Variants in FBXO41 observed in about 807,000 individuals in gnomAD.
The protein encoded by FBXO41 is F-box protein 41.
In FBXO41, 33 loss-of-function variants were observed where a neutral mutation model predicts 81.6. The observed-to-expected ratio is 0.40, with a 90% CI of 0.31 to 0.54. The LOEUF is 0.54. FBXO41 is among the 20% of genes least tolerant of loss of function. FBXO41 has a pLI of 0.39. For missense variants in FBXO41, 1,107 were observed against 1,236.0 expected (o/e 0.90, Z 1.56); for synonymous variants, 576 against 552.7 (o/e 1.04, Z -0.59).
chr2:73,278,591 T>TA (rs1277176461), intron 1 of FBXO41, among the ~76,000 whole-genome samples: 6 of 152,170 alleles, frequency 3.9e-5, no homozygotes, highest in Non-Finnish European at 8.8e-5. Context: ...ACTGAGGTGT[T>TA]AGAGTATACA....
chr2:73,262,391 A>G (rs756788356), intron 9 of FBXO41, among the ~76,000 whole-genome samples: 22 of 152,172 alleles, frequency 1.4e-4, no homozygotes, highest in Admixed American at 8.5e-4. Context: ...GAGAGGCAAA[A>G]TGTAGGGAGC....
chr2:73,257,698 G>A lies in FBXO41; in HGVS notation c.*1284C>T, dbSNP rs1687865658. The A allele has an allele frequency of 6.6e-6, 1 of 152,244 alleles. No individual in the cohort carries two copies. The highest frequency in any genetic ancestry group is 1.9e-4 in the East Asian group (1 of 5,190). 9.4% of individuals were successfully genotyped at this position (152,244 alleles called of 1,614,324 possible). The stretch of plus-strand genomic sequence containing the variant: ...GGAACTGGGGAGACCTCAGCCTTTG[G>A]AGCCTTGGTTCTGAGACCTGATCCT... On this transcript the variant is annotated 3_prime_UTR_variant, in exon 13 of 13. Coordinates refer to ENST00000520530, the MANE Select transcript of FBXO41 (RefSeq NM_001371389.2). This position sits in a 1 kb window ranked among gnomAD's most constrained non-coding sequence, Gnocchi z 4.6.
intron 1 of FBXO41, among the ~76,000 whole-genome samples, chr2:73,283,935 G>C (rs956824439): frequency 1.3e-5 from 2 of 152,250 alleles, no homozygotes; most frequent in East Asian, 1.9e-4. Flanking sequence ...CAGGCGAGAG[G>C]GGGGAGGGGA....
rs918352265 is a variant in FBXO41, at chr2:73,256,036, T to C, written c.*2946A>G. 2.0e-5 allele frequency: 3 copies of C among 152,130 alleles called. No homozygotes were observed. The highest frequency in any genetic ancestry group is 4.4e-5 in the Non-Finnish European group (3 of 68,054). 9.4% of individuals were successfully genotyped at this position (152,130 alleles called of 1,614,324 possible). A position where few individuals can be genotyped will look rare whatever the true frequency, so the allele number is the denominator to read the frequency against. Reference sequence around the variant, plus strand: ...GTGGGGAAGCAGCCTGAATAAAGCATGAAGTACTTAAGCCAAGTACACCAA... The same window carrying C: ...GTGGGGAAGCAGCCTGAATAAAGCACGAAGTACTTAAGCCAAGTACACCAA... On this transcript the variant is annotated 3_prime_UTR_variant, in exon 13 of 13. Coordinates refer to ENST00000520530, the MANE Select transcript of FBXO41 (RefSeq NM_001371389.2).
At chr2:73,281,991 T>C (rs1688859445) in intron 1 of FBXO41, among the ~76,000 whole-genome samples, 1 of 152,204 alleles carries the variant, frequency 6.6e-6, no homozygotes, top group African/African-American at 2.4e-5. Flanking sequence ...CATGGTAGCA[T>C]GCAATAAATT....
chr2:73,263,733 G>T lies in FBXO41; in HGVS notation c.2020C>A (p.Arg674Ser). Residue 674 changes from arginine to serine, a missense_variant, in exon 8 of 13, where the codon CGC (arginine) becomes AGC (serine). By Grantham distance (110) the Arg-to-Ser change is moderately radical (BLOSUM62 -1). Around this residue, in one of 2 missense-constraint regions of FBXO41, gnomAD observed 336 missense variants for 446.7 expected, o/e 0.75. Transcript: ENST00000520530. ...TAGCAGCTGGCCAGCCAGAGCGAGC[G>T]GTCGGTGAGGATGTTTGGACAGTGG... The part of the protein sequence containing the change: ...ISHCPNILTD[R>S]SLWLASCYCR... 4 of 1,613,980 alleles carry T rather than the reference G, an allele frequency of 2.5e-6. No individual in the cohort carries two copies. Among genetic ancestry groups the T allele is most frequent in the Non-Finnish European group, 3.4e-6 (4 of 1,179,894 alleles).
In FBXO41 at chr2:73,266,753, G is replaced by A; in HGVS notation, c.906-71C>T. ...CCACCCACCCTCTGGAGGAGAGCCT[G>A]GCCAGTGCGGGGAGACACTGGCACA... On this transcript the variant is annotated intron_variant, in intron 2 of 12. Coordinates refer to ENST00000520530, the MANE Select transcript of FBXO41 (RefSeq NM_001371389.2). This position sits in a 1 kb window ranked among gnomAD's most constrained non-coding sequence, Gnocchi z 5.3. 1 of 1,468,494 alleles carries A rather than the reference G, an allele frequency of 6.8e-7. No individual in the cohort carries two copies. The highest frequency in any genetic ancestry group is 2.5e-5 in the East Asian group (1 of 40,154). The allele number at this position is 1,468,494 out of a possible 1,614,324, so 91.0% of individuals were successfully genotyped here. A position where few individuals can be genotyped will look rare whatever the true frequency, so the allele number is the denominator to read the frequency against.
rs149178635 is a variant in FBXO41 at position 73,259,201 on chromosome 2, C to T, written c.2545G>A (p.Asp849Asn). 3.7e-6 allele frequency: 6 copies of T among 1,614,016 alleles called. No individual in the cohort carries two copies. The East Asian group carries it at 6.7e-5, about 18-fold the overall frequency. Residue 849 changes from aspartate to asparagine, a missense_variant, in exon 12 of 13, where the codon GAC (aspartate) becomes AAC (asparagine). Around this residue, in one of 2 missense-constraint regions of FBXO41, gnomAD observed 336 missense variants for 446.7 expected, o/e 0.75. Coordinates refer to ENST00000520530, the MANE Select transcript of FBXO41 (RefSeq NM_001371389.2). The surrounding 1 kb of genome is among the most constrained non-coding windows in gnomAD (Gnocchi z 4.2). ...SSPEAQKLFE[D>N]MVTKLQALRR... is the part of the protein sequence containing the mutation. Reference sequence around the variant, plus strand: ...CTCACCTGGAGTTTTGTCACCATGTCCTCAAACAGCTTCTGGGCCTCAGGG... The same window carrying T: ...CTCACCTGGAGTTTTGTCACCATGTTCTCAAACAGCTTCTGGGCCTCAGGG...
intron 1 of FBXO41, among the ~76,000 whole-genome samples, chr2:73,280,318 A>C (rs971770492): frequency 6.6e-6 from 1 of 152,228 alleles, no homozygotes; most frequent in Non-Finnish European, 1.5e-5. Context: ...ACTGGAGTCT[A>C]TAAATCTCCC....
At position 73,255,807 on chromosome 2, in the gene FBXO41, T is replaced by A. The variant is rs11691842; in HGVS notation, c.*3175A>T. 2.6e-5 allele frequency: 4 copies of A among 152,188 alleles called. No individual in the cohort carries two copies. The East Asian group carries it at 7.7e-4, about 29-fold the overall frequency. The allele number at this position is 152,188 out of a possible 1,614,324, so 9.4% of individuals were successfully genotyped here. ...AGTAGCAGGCCTTGGGAAGGAGGAC[T>A]TTTTTTTGTTTTTCTCTTTTGAGGC... On this transcript the variant is annotated 3_prime_UTR_variant, in exon 13 of 13. Coordinates refer to ENST00000520530, the MANE Select transcript of FBXO41 (RefSeq NM_001371389.2).
At chr2:73,264,815 G>C (rs550486697) in intron 5 of FBXO41, among the ~76,000 whole-genome samples, 2 of 151,950 alleles carry the variant, frequency 1.3e-5, no homozygotes, top group East Asian at 1.9e-4. Flanking sequence ...AAAGGGGTTG[G>C]GGGGGCGGTG....
chr2:73,281,304 T>C (rs1688841452), intron 1 of FBXO41, among the ~76,000 whole-genome samples: 1 of 152,208 alleles, frequency 6.6e-6, no homozygotes, highest in Non-Finnish European at 1.5e-5. Context: ...TGCTGCCAAG[T>C]AGGTGGTACT....
intron 2 of FBXO41, among the ~76,000 whole-genome samples, chr2:73,267,802 T>C (rs1205887729): frequency 3.9e-5 from 6 of 152,350 alleles, no homozygotes; most frequent in Admixed American, 2.6e-4. Context: ...ACAAAGTCAC[T>C]CAACACAAAG....
intron 1 of FBXO41, among the ~76,000 whole-genome samples, chr2:73,281,719 G>A (rs982014823): frequency 6.6e-6 from 1 of 152,212 alleles, no homozygotes; most frequent in African/African-American, 2.4e-5. Context: ...GAGAGTCTAC[G>A]TGAGACCAGC....
At chr2:73,261,636 TA>T (rs1298449337) in intron 9 of FBXO41, among the ~76,000 whole-genome samples, 8 of 152,194 alleles carry the variant, frequency 5.3e-5, no homozygotes, top group Non-Finnish European at 1.5e-5. Flanking sequence ...AGTCTGATCT[TA>T]ATCCCTTTCT....
chr2:73,264,969 G>A (rs1251056910), intron 5 of FBXO41, among the ~76,000 whole-genome samples: 1 of 152,050 alleles, frequency 6.6e-6, no homozygotes, highest in African/African-American at 2.4e-5. Context: ...GAATACGGTG[G>A]GGGGCCTCTC....
In FBXO41 at chr2:73,265,469, G is replaced by T; in HGVS notation, c.1377C>A (p.Ser459Arg). The T allele has an allele frequency of 6.2e-7, 1 of 1,603,952 alleles. No homozygotes were observed. ...GGSERSQPPR[S>R]SGLRRQAIQN... ...GGATGGCCTGGCGCCGCAGGCCTGA[G>T]CTGCGAGGGGGCTGGGACCGCTCTG... Residue 459 changes from serine (S) to arginine (R), a missense_variant, in exon 5 of 13, where the codon AGC becomes AGA. Transcript: ENST00000520530.
In FBXO41 at chr2:73,260,158, C is replaced by T. The variant is rs1222210792; in HGVS notation, c.2449+231G>A. Among the ~76,000 whole-genome samples, 1 of 152,150 alleles carries T rather than the reference C, an allele frequency of 6.6e-6. No individual in the cohort carries two copies. The highest frequency in any genetic ancestry group is 1.5e-5 in the Non-Finnish European group (1 of 68,006). ...CAGCTTAGAAGATGGGAATACAGGA[C>T]TCAGAGAGGTATAGTAACTTGCCCA... On this transcript the variant is annotated intron_variant, in intron 11 of 12. Coordinates refer to ENST00000520530, the MANE Select transcript of FBXO41 (RefSeq NM_001371389.2). This position sits in a 1 kb window ranked among gnomAD's most constrained non-coding sequence, Gnocchi z 5.0.
At chr2:73,279,602 CAAGT>C (rs1688790106) in intron 1 of FBXO41, among the ~76,000 whole-genome samples, 1 of 152,032 alleles carries the variant, frequency 6.6e-6, no homozygotes, top group Admixed American at 6.6e-5. Flanking sequence ...GTTGAAAACT[CAAGT>C]AAGAGCAGAA....
Sources: allele counts gnomAD v4.1 joint callset (sites outside exome capture counted in the v4.1 genomes callset), GRCh38; gene constraint gnomAD v4.1.1; regional missense constraint gnomAD v4.1.1; non-coding constraint Gnocchi (gnomAD v3.1); transcripts MANE v1.5; gene names NCBI Gene and HGNC (gene_info 2026-07-23, HGNC 2026-07-21).